TOM1L2: variants seen among roughly 807,000 people sequenced by gnomAD.
The protein encoded by TOM1L2 is target of myb1 like 2 membrane trafficking protein.
A neutral mutation model predicts 67.9 loss-of-function variants in TOM1L2; 31 were observed. The observed-to-expected ratio is 0.46, with a 90% confidence interval of 0.34 to 0.62. TOM1L2 has a LOEUF of 0.62. TOM1L2 is among the 20% of genes least tolerant of loss of function. The probability of loss-of-function intolerance (pLI) is 0.01; values close to 1 mark genes in which losing one functional copy is unlikely to be tolerated. For missense variants in TOM1L2, 606 were observed against 663.5 expected, an observed-to-expected ratio of 0.91 and a Z score of 0.95; for synonymous variants, 256 against 254.0, an observed-to-expected ratio of 1.01 and a Z score of -0.07.
intron 1 of TOM1L2, among the ~76,000 whole-genome samples, chr17:17,965,775 G>A (rs977846439): frequency 2.8e-4 from 42 of 152,180 alleles, no homozygotes; most frequent in Admixed American, 2.7e-3. Flanking sequence ...TGTATAAAGT[G>A]CCCACTTCAG....
intron 1 of TOM1L2, among the ~76,000 whole-genome samples, chr17:17,913,710 A>T (rs1416852366): frequency 6.6e-6 from 1 of 152,224 alleles, no homozygotes; most frequent in African/African-American, 2.4e-5. Flanking sequence ...CAGTAATTGA[A>T]TAGAATGCAC....
chr17:17,952,206 G>A (rs1598398671), intron 1 of TOM1L2, among the ~76,000 whole-genome samples: 1 of 151,970 alleles, frequency 6.6e-6, no homozygotes, highest in South Asian at 2.1e-4. Flanking sequence ...ACAATGACAT[G>A]GCAAAACAAA....
rs771396440 is a variant in TOM1L2 at position 17,893,768 on chromosome 17, T to C, written c.259A>G (p.Ile87Val). The C allele has an allele frequency of 6.2e-7, 1 of 1,614,138 alleles. No homozygotes were observed. Among genetic ancestry groups the C allele is most frequent in the South Asian group, 1.1e-5 (1 of 91,078 alleles). ...ATGAAATCTCGGTTGGCCACAAGGA[T>C]GTGGAAGCGGTGGCCACAGTTCTTC... is the stretch of plus-strand genomic sequence containing the variant. ...CVKNCGHRFH[I>V]LVANRDFIDS... is the part of the protein sequence containing the mutation. The change falls in exon 4 of 15, where the codon ATC becomes GTC. Residue 87 changes from isoleucine to valine, a missense_variant. Coordinates refer to ENST00000379504, the MANE Select transcript of TOM1L2 (RefSeq NM_001082968.2).
intron 1 of TOM1L2, among the ~76,000 whole-genome samples, chr17:17,938,147 T>G (rs750589862): frequency 2.0e-5 from 3 of 152,094 alleles, no homozygotes; most frequent in African/African-American, 7.2e-5. Context: ...GGACTACAGG[T>G]AGAAATGAGA....
At position 17,882,860 on chromosome 17, in the gene TOM1L2, C is replaced by T; in HGVS notation, c.505G>A (p.Val169Ile). The T allele has an allele frequency of 6.2e-7, 1 of 1,614,072 alleles. No homozygotes were observed. The highest frequency in any genetic ancestry group is 1.1e-5 in the South Asian group (1 of 91,074). The change falls in exon 6 of 15, where the codon GTC (valine) becomes ATC (isoleucine). Residue 169 changes from valine (V) to isoleucine (I), a missense_variant. Transcript: ENST00000379504. ...GTCGCAGCTGGATCCACTTCAGGGA[C>T]ACTCTGGCATGGCAACAACAAAGTC... Reference protein sequence around the residue: ...LSPIHTPQRSVPEVDPAATMP... With the variant: ...LSPIHTPQRSIPEVDPAATMP...
intron 1 of TOM1L2, among the ~76,000 whole-genome samples, chr17:17,912,857 C>T (rs1328539373): frequency 1.3e-5 from 2 of 152,186 alleles, no homozygotes; most frequent in Non-Finnish European, 2.9e-5. Context: ...GAGGTTGTAG[C>T]GAGCCGAGAT....
intron 1 of TOM1L2, among the ~76,000 whole-genome samples, chr17:17,941,435 T>C (rs894613982): frequency 2.0e-5 from 3 of 152,122 alleles, no homozygotes; most frequent in South Asian, 2.1e-4. Flanking sequence ...TTAAACTTCA[T>C]GGCAGCAGGA....
chr17:17,919,009 C>T (rs770847198), intron 1 of TOM1L2, among the ~76,000 whole-genome samples: 1 of 152,068 alleles, frequency 6.6e-6, no homozygotes, highest in Non-Finnish European at 1.5e-5. Context: ...CCCAGCTGTC[C>T]CCGGTTCTCC....
intron 1 of TOM1L2, among the ~76,000 whole-genome samples, chr17:17,911,908 C>T (rs1433404294): frequency 2.7e-5 from 4 of 148,280 alleles, no homozygotes; most frequent in South Asian, 2.2e-4. Flanking sequence ...CATCTTGCAC[C>T]GCCCTTAATC....
intron 5 of TOM1L2, among the ~76,000 whole-genome samples, chr17:17,883,477 G>C (rs2037835387): frequency 1.3e-5 from 2 of 152,036 alleles, no homozygotes; most frequent in Admixed American, 6.6e-5. Context: ...GCTTACGCCT[G>C]TAATCTCAGC....
chr17:17,892,146 G>C (rs2144195758), intron 4 of TOM1L2, among the ~76,000 whole-genome samples: 1 of 152,286 alleles, frequency 6.6e-6, no homozygotes, highest in South Asian at 2.1e-4. Flanking sequence ...AGGCACCTGT[G>C]AATGAGGAGG....
chr17:17,884,650 A>C lies in TOM1L2; in HGVS notation c.485T>G (p.Ile162Arg), dbSNP rs1316428930. ...PMADLDALSP[I>R]HTPQRSVPEV... Reference sequence around the variant, plus strand: ...GAAGCTTACCCGCTGTGGTGTGTGTATGGGAGACAGAGCGTCCAAGTCTGC... The same window carrying C: ...GAAGCTTACCCGCTGTGGTGTGTGTCTGGGAGACAGAGCGTCCAAGTCTGC... The change falls in exon 5 of 15, where the codon ATA becomes AGA. Residue 162 changes from isoleucine to arginine, a missense_variant. By Grantham distance (97) the Ile-to-Arg change is moderately conservative (BLOSUM62 -3). Transcript: ENST00000379504. 1 of 1,614,096 alleles carries C rather than the reference A, an allele frequency of 6.2e-7. No individual in the cohort carries two copies. Among genetic ancestry groups the C allele is most frequent in the Admixed American group, 1.7e-5 (1 of 60,020 alleles).
At chr17:17,930,360 A>T (rs560752497) in intron 1 of TOM1L2, among the ~76,000 whole-genome samples, 5 of 151,644 alleles carry the variant, frequency 3.3e-5, no homozygotes, top group South Asian at 4.2e-4. Context: ...GAAAGTGGTT[A>T]AAAAAAAGGG....
At chr17:17,863,400 TGAG>T (rs1405413637) in intron 10 of TOM1L2, 1 of 154,114 alleles carries the variant, frequency 6.5e-6, no homozygotes, top group Non-Finnish European at 1.5e-5. Flanking sequence ...GTAAGGATAA[TGAG>T]GAGGATGCTG....
At chr17:17,867,043 G>C in intron 8 of TOM1L2, 119 bp from the exon 9 acceptor site, 4 of 875,484 alleles carry the variant, frequency 4.6e-6, no homozygotes, top group Non-Finnish European at 7.7e-6. Context: ...CCCACCTGGG[G>C]GCTAGGGAGT....
chr17:17,948,767 C>T (rs912440130), intron 1 of TOM1L2, among the ~76,000 whole-genome samples: 5 of 152,058 alleles, frequency 3.3e-5, no homozygotes, highest in Admixed American at 1.3e-4. Flanking sequence ...GTGAGATCAG[C>T]GGAGTGCCCA....
intron 1 of TOM1L2, among the ~76,000 whole-genome samples, chr17:17,917,751 T>C (rs1234392289): frequency 6.6e-6 from 1 of 152,004 alleles, no homozygotes; most frequent in African/African-American, 2.4e-5. Context: ...GCTCAGGAGT[T>C]TAAGAACAGC....
At chr17:17,952,013 G>C (rs1176410890) in intron 1 of TOM1L2, among the ~76,000 whole-genome samples, 1 of 152,124 alleles carries the variant, frequency 6.6e-6, no homozygotes, top group Non-Finnish European at 1.5e-5. Context: ...TTGTCCCTAG[G>C]AATCTAAACT....
chr17:17,862,893 G>T, intron 10 of TOM1L2, 45 bp from the exon 11 acceptor site: 1 of 1,364,764 alleles, frequency 7.3e-7, no homozygotes, highest in African/African-American at 1.5e-5. Context: ...ACAAAATGTA[G>T]ACTGTAGATC....
Sources: allele counts gnomAD v4.1 joint callset (sites outside exome capture counted in the v4.1 genomes callset), GRCh38; gene constraint gnomAD v4.1.1; transcripts MANE v1.5; gene names NCBI Gene and HGNC (gene_info 2026-07-23, HGNC 2026-07-21).